Variants in PLPPR4 observed in about 807,000 individuals in gnomAD.
PLPPR4 encodes phospholipid phosphatase related 4.
PLPPR4 carries 24 observed loss-of-function variants against 56.6 expected under a neutral mutation model. That is an observed-to-expected ratio of 0.42 (90% CI 0.31 to 0.60). The LOEUF (loss-of-function observed/expected upper bound fraction) is 0.60, where lower values mean the gene tolerates loss of function less well. Ranked by LOEUF, PLPPR4 falls within the 20% of genes least tolerant of loss-of-function variation. PLPPR4 has a pLI of 0.13. For synonymous variants in PLPPR4, 326 were observed against 328.1 expected (o/e 0.99, Z 0.07); for missense variants, 654 against 885.8 (o/e 0.74, Z 3.32).
chr1:99,282,693 G>A (rs712891), intron 1 of PLPPR4, among the ~76,000 whole-genome samples: 140,746 of 151,902 alleles, frequency 0.93, 65,276 homozygotes, highest in East Asian at 1. Context: ...CTTGGACGTC[G>A]GGTCTCTGCA....
chr1:99,286,545 A>G (rs1659466515), intron 1 of PLPPR4, among the ~76,000 whole-genome samples: 1 of 152,158 alleles, frequency 6.6e-6, no homozygotes, highest in South Asian at 2.1e-4. Context: ...ATCAAGCAAG[A>G]TGATAAAGTA....
chr1:99,268,864 G>C lies in PLPPR4; in HGVS notation c.78+4193G>C, dbSNP rs188456619. On this transcript the variant is annotated intron_variant, in intron 1 of 6. Transcript: ENST00000370185. ...CCCAAGTACACTGCAAGTGATGGCT[G>C]TATCACTTACAGTGGCAATTGCAGC... Among the ~76,000 whole-genome samples, 20 of 152,298 alleles carry C rather than the reference G, an allele frequency of 1.3e-4. No individual in the cohort carries two copies. In the East Asian group the frequency reaches 3.9e-3, roughly 29 times the overall value.
Position 99,299,209 on chromosome 1 carries a change from T to G in PLPPR4, c.569T>G (p.Leu190Arg). The change falls in exon 4 of 7, where the codon CTC becomes CGC. Residue 190 changes from leucine to arginine, a missense_variant. Leu to Arg is a moderately radical substitution (Grantham distance 102). Transcript: ENST00000370185. ...IVEDICSGSD[L>R]TVINSGRKSF... is the part of the protein sequence containing the mutation. Reference sequence around the variant, plus strand: ...GAAGATATTTGCTCAGGATCTGACCTCACAGTTATCAACAGTGGCAGGTTA... The same window carrying G: ...GAAGATATTTGCTCAGGATCTGACCGCACAGTTATCAACAGTGGCAGGTTA... 1 of 1,612,986 alleles carries G rather than the reference T, an allele frequency of 6.2e-7. No homozygotes were observed. Among genetic ancestry groups the G allele is most frequent in the South Asian group, 1.1e-5 (1 of 91,032 alleles).
At chr1:99,284,825 G>A (rs1439159128) in intron 1 of PLPPR4, among the ~76,000 whole-genome samples, 1 of 152,072 alleles carries the variant, frequency 6.6e-6, no homozygotes, top group Non-Finnish European at 1.5e-5. Flanking sequence ...TATATATTTG[G>A]AAGTCACTAT....
intron 1 of PLPPR4, among the ~76,000 whole-genome samples, chr1:99,284,547 C>T (rs1417518511): frequency 6.6e-6 from 1 of 151,780 alleles, no homozygotes; most frequent in African/African-American, 2.4e-5. Flanking sequence ...TCCCAAAGTG[C>T]TGGGATTACA....
At chr1:99,293,503 T>TA (rs1387976611) in intron 2 of PLPPR4, among the ~76,000 whole-genome samples, 1 of 152,170 alleles carries the variant, frequency 6.6e-6, no homozygotes. Context: ...TATTTGGGTT[T>TA]ATCACAAATC....
intron 1 of PLPPR4, among the ~76,000 whole-genome samples, chr1:99,278,959 T>C (rs76052636): frequency 0.027 from 4,090 of 152,278 alleles, 150 homozygotes; most frequent in East Asian, 0.17. Flanking sequence ...AATGAAATCA[T>C]TAGAGTTCTA....
intron 1 of PLPPR4, among the ~76,000 whole-genome samples, chr1:99,269,158 G>A (rs1056936892): frequency 2.0e-5 from 3 of 152,056 alleles, no homozygotes; most frequent in Non-Finnish European, 2.9e-5. Flanking sequence ...TCCCACTTAT[G>A]AGTGAGAACA....
chr1:99,304,164 T>G (rs1160743150), intron 6 of PLPPR4, among the ~76,000 whole-genome samples: 1 of 152,234 alleles, frequency 6.6e-6, no homozygotes, highest in African/African-American at 2.4e-5. Context: ...GGACCCCATA[T>G]ATAATACCAT....
intron 1 of PLPPR4, among the ~76,000 whole-genome samples, chr1:99,284,414 A>G (rs1482326603): frequency 6.6e-6 from 1 of 152,102 alleles, no homozygotes; most frequent in Non-Finnish European, 1.5e-5. Context: ...CAGAGTAAAT[A>G]TGCTTTTTAA....
At chr1:99,285,542 T>G (rs1659442509) in intron 1 of PLPPR4, among the ~76,000 whole-genome samples, 1 of 152,124 alleles carries the variant, frequency 6.6e-6, no homozygotes, top group Admixed American at 6.5e-5. Context: ...TAAATGTTTT[T>G]GATATACTTT....
At chr1:99,294,511 C>A (rs879600823) in intron 2 of PLPPR4, among the ~76,000 whole-genome samples, 1 of 152,028 alleles carries the variant, frequency 6.6e-6, no homozygotes, top group Non-Finnish European at 1.5e-5. Flanking sequence ...GCCTGGACAA[C>A]GAGGTGAAAC....
chr1:99,281,635 A>G (rs1477805486), intron 1 of PLPPR4, among the ~76,000 whole-genome samples: 3 of 152,194 alleles, frequency 2.0e-5, no homozygotes, highest in Non-Finnish European at 4.4e-5. Context: ...ATCATACTGT[A>G]GGAAGTAGAA....
In PLPPR4 at chr1:99,306,874, C is replaced by A; in HGVS notation, c.2012C>A (p.Ser671Tyr). The A allele has an allele frequency of 1.2e-6, 2 of 1,614,100 alleles. No homozygotes were observed. The highest frequency in any genetic ancestry group is 1.7e-6 in the Non-Finnish European group (2 of 1,179,990). The change falls in exon 7 of 7, where the codon TCC becomes TAC. Residue 671 changes from serine (S) to tyrosine (Y), a missense_variant. Physicochemically the swap from Ser to Tyr is moderately radical, Grantham distance 144 (BLOSUM62 -2). This residue lies in a region of PLPPR4 where 468 missense variants were observed against 554.3 expected (regional missense o/e 0.84). Transcript: ENST00000370185. The surrounding 1 kb of genome is among the most constrained non-coding windows in gnomAD (Gnocchi z 4.0). ...EGSEIGSETLSISSSRDSTLR... is the reference protein window; with the variant it reads ...EGSEIGSETLYISSSRDSTLR... The stretch of plus-strand genomic sequence containing the variant: ...AGCGAAATTGGCTCAGAGACGCTGT[C>A]CATTTCTTCTTCCCGCGACTCCACC...
At chr1:99,270,664 G>T (rs1180929538) in intron 1 of PLPPR4, among the ~76,000 whole-genome samples, 1 of 152,124 alleles carries the variant, frequency 6.6e-6, no homozygotes, top group East Asian at 1.9e-4. Flanking sequence ...TAACTCATTT[G>T]ATTTTCTTGC....
At position 99,306,145 on chromosome 1, in the gene PLPPR4, C is replaced by G. The variant is rs759112961; in HGVS notation, c.1283C>G (p.Ser428Cys). The G allele has an allele frequency of 6.2e-7, 1 of 1,614,092 alleles. No homozygotes were observed. The highest frequency in any genetic ancestry group is 8.5e-7 in the Non-Finnish European group (1 of 1,180,016). ...EPEPGQSPPR[S>C]IEMRSSSEPS... ...GAGCCTGGGCAGTCACCACCCAGATCCATAGAAATGAGGTCAAGCTCAGAG... is the reference window on the plus strand; with the variant it reads ...GAGCCTGGGCAGTCACCACCCAGATGCATAGAAATGAGGTCAAGCTCAGAG... The change falls in exon 7 of 7, where the codon TCC (serine) becomes TGC (cysteine). Residue 428 changes from serine to cysteine, a missense_variant. Coordinates refer to ENST00000370185, the MANE Select transcript of PLPPR4 (RefSeq NM_014839.5). The surrounding 1 kb of genome is among the most constrained non-coding windows in gnomAD (Gnocchi z 4.0).
At chr1:99,305,426 CA>C (rs1659997757) in intron 6 of PLPPR4, among the ~76,000 whole-genome samples, 2 of 152,080 alleles carry the variant, frequency 1.3e-5, no homozygotes, top group African/African-American at 4.8e-5. Flanking sequence ...AAAATATACA[CA>C]GGATAAGATA....
intron 5 of PLPPR4, among the ~76,000 whole-genome samples, chr1:99,301,227 G>A (rs1481565334): frequency 2.6e-5 from 4 of 151,660 alleles, no homozygotes; most frequent in Non-Finnish European, 4.4e-5. Context: ...TTCATAGGAG[G>A]ATATTGTGAA....
intron 1 of PLPPR4, among the ~76,000 whole-genome samples, chr1:99,284,774 T>C (rs1659420292): frequency 6.6e-6 from 1 of 152,154 alleles, no homozygotes. Flanking sequence ...CTTTAATTCA[T>C]ATGTTAATGT....
Sources: gnomAD v4.1 joint callset for allele counts (sites outside exome capture counted in the v4.1 genomes callset) on GRCh38, gnomAD v4.1.1 for gene constraint, gnomAD v4.1.1 regional missense constraint, Gnocchi (gnomAD v3.1) non-coding constraint, MANE v1.5 for transcripts, NCBI Gene and HGNC (gene_info 2026-07-23, HGNC 2026-07-21) for gene names.